Variants in NRXN1 observed in about 807,000 individuals in gnomAD.
NRXN1 encodes the protein neurexin 1, also known as neurexin-1.
A neutral mutation model predicts 150.9 loss-of-function variants in NRXN1; 39 were observed. The ratio of observed to expected loss-of-function variants is 0.26; its 90% confidence interval spans 0.20 to 0.34. The LOEUF (loss-of-function observed/expected upper bound fraction) is 0.34, where lower values mean the gene tolerates loss of function less well. NRXN1 is among the 10% of genes least tolerant of loss of function. The probability of loss-of-function intolerance (pLI) is 1.00; values close to 1 mark genes in which losing one functional copy is unlikely to be tolerated. For synonymous variants in NRXN1, 924 were observed against 757.0 expected, an observed-to-expected ratio of 1.22 and a Z score of -3.62; for missense variants, 1,815 against 1,949.9, an observed-to-expected ratio of 0.93 and a Z score of 1.30.
chr2:50,108,601 T>A (rs1701977614), intron 18 of NRXN1, among the ~76,000 whole-genome samples: 1 of 152,088 alleles, frequency 6.6e-6, no homozygotes, highest in African/African-American at 2.4e-5. Context: ...AGCAAAATAC[T>A]AAGATAAATT....
At chr2:50,878,153 G>A (rs892188214) in intron 5 of NRXN1, among the ~76,000 whole-genome samples, 4 of 152,018 alleles carry the variant, frequency 2.6e-5, no homozygotes, top group South Asian at 2.1e-4. Context: ...TGAAAACGAG[G>A]AGAATTATAA....
intron 18 of NRXN1, among the ~76,000 whole-genome samples, chr2:50,095,884 C>A (rs1262179289): frequency 6.6e-6 from 1 of 151,094 alleles, no homozygotes; most frequent in Non-Finnish European, 1.5e-5. Flanking sequence ...TGTGCTGCAC[C>A]CATTAACTCG....
intron 19 of NRXN1, among the ~76,000 whole-genome samples, chr2:50,084,607 G>A (rs1475167340): frequency 1.3e-5 from 2 of 152,292 alleles, no homozygotes; most frequent in East Asian, 3.9e-4. Context: ...ACCCCCCGCA[G>A]GCTGAGGGAA....
At chr2:50,939,028 G>A (rs1463931903) in intron 2 of NRXN1, among the ~76,000 whole-genome samples, 1 of 151,862 alleles carries the variant, frequency 6.6e-6, no homozygotes, top group East Asian at 1.9e-4. Context: ...TGGTTAACAT[G>A]GTGAAACCCT....
chr2:50,020,869 T>C (rs1687461168), intron 21 of NRXN1, among the ~76,000 whole-genome samples: 1 of 152,230 alleles, frequency 6.6e-6, no homozygotes, highest in Admixed American at 6.5e-5. Flanking sequence ...CACATTCCTT[T>C]CTCTTTCTAC....
chr2:50,922,502 A>G (rs1686189878), intron 4 of NRXN1, 156 bp downstream of exon 4: 1 of 788,584 alleles, frequency 1.3e-6, no homozygotes, highest in Non-Finnish European at 2.2e-6. Flanking sequence ...AAGAAATGGA[A>G]GAAAAACACA....
intron 2 of NRXN1, among the ~76,000 whole-genome samples, chr2:51,007,480 G>C (rs1401116651): frequency 2.0e-5 from 3 of 151,854 alleles, no homozygotes; most frequent in Non-Finnish European, 4.4e-5. Flanking sequence ...AGTGTTAGGG[G>C]TTTAGGAAAA....
chr2:50,332,616 ATTTG>A (rs1489625085), intron 17 of NRXN1, among the ~76,000 whole-genome samples: 1 of 152,212 alleles, frequency 6.6e-6, no homozygotes, highest in Non-Finnish European at 1.5e-5. Flanking sequence ...CTCTTTGTAA[ATTTG>A]TTTGTCATTC....
At chr2:50,002,535 T>A (rs1432975045) in intron 21 of NRXN1, among the ~76,000 whole-genome samples, 2 of 152,154 alleles carry the variant, frequency 1.3e-5, no homozygotes, top group East Asian at 3.9e-4. Flanking sequence ...TAAGGAATTT[T>A]AGCAAAACAA....
chr2:50,194,428 T>C (rs2061631019), intron 18 of NRXN1, among the ~76,000 whole-genome samples: 1 of 152,200 alleles, frequency 6.6e-6, no homozygotes, highest in Admixed American at 6.5e-5. Context: ...TCATAAATTC[T>C]AGCTATTTTT....
At chr2:50,599,457 T>C (rs889842) in intron 8 of NRXN1, among the ~76,000 whole-genome samples, 32,253 of 152,178 alleles carry the variant, frequency 0.21, 3,659 homozygotes, top group Admixed American at 0.27. Flanking sequence ...AAAATTTGTA[T>C]CTCTAACAAT....
chr2:50,225,092 G>T (rs1295423510), intron 18 of NRXN1, among the ~76,000 whole-genome samples: 1 of 151,938 alleles, frequency 6.6e-6, no homozygotes, highest in African/African-American at 2.4e-5. Context: ...TCAGGCCTCT[G>T]ACTTTTGTTT....
chr2:50,608,854 T>C (rs577250983), intron 8 of NRXN1, among the ~76,000 whole-genome samples: 2 of 152,240 alleles, frequency 1.3e-5, no homozygotes, highest in South Asian at 2.1e-4. Flanking sequence ...ATGATGACAA[T>C]GATAACATTC....
chr2:50,356,852 C>T (rs1054071243), intron 17 of NRXN1, among the ~76,000 whole-genome samples: 8 of 151,982 alleles, frequency 5.3e-5, no homozygotes, highest in Non-Finnish European at 8.8e-5. Flanking sequence ...CTGCCTCTTA[C>T]GTTATTTTTA....
At chr2:50,357,007 G>A (rs895428907) in intron 17 of NRXN1, among the ~76,000 whole-genome samples, 15 of 151,996 alleles carry the variant, frequency 9.9e-5, no homozygotes, top group African/African-American at 3.6e-4. Context: ...ACTGGGCCAG[G>A]TGCTCAGGCC....
rs1330246695 is a variant in NRXN1 at position 50,136,517 on chromosome 2, A to G, written c.3547-45023T>C. On this transcript the variant is annotated intron_variant, in intron 18 of 22. Transcript: ENST00000401669. ...ATCACAGCTTGTAATATCTCAAACAACACTGATTACTGATTGGTAATGCAC... is the reference window on the plus strand; with the variant it reads ...ATCACAGCTTGTAATATCTCAAACAGCACTGATTACTGATTGGTAATGCAC... Among the ~76,000 whole-genome samples the G allele has an allele frequency of 2.6e-5, 4 of 152,184 alleles. No individual in the cohort carries two copies. In the East Asian group the frequency reaches 7.7e-4, roughly 29 times the overall value.
chr2:50,468,836 T>G (rs931343558), intron 16 of NRXN1, among the ~76,000 whole-genome samples: 6 of 151,532 alleles, frequency 4.0e-5, no homozygotes, highest in African/African-American at 1.5e-4. Context: ...AATGAGATAG[T>G]ATAGGTAAAC....
At chr2:50,327,680 C>T (rs1252075221) in intron 17 of NRXN1, among the ~76,000 whole-genome samples, 2 of 150,628 alleles carry the variant, frequency 1.3e-5, no homozygotes, top group South Asian at 2.1e-4. Context: ...GACAGAGTCT[C>T]GCTCTTTCAC....
chr2:50,323,306 G>T (rs905963822), intron 17 of NRXN1, among the ~76,000 whole-genome samples: 2 of 152,096 alleles, frequency 1.3e-5, no homozygotes, highest in Admixed American at 1.3e-4. Context: ...AAAATAATTT[G>T]CATTTCTGTA....
Sources: allele counts gnomAD v4.1 joint callset (sites outside exome capture counted in the v4.1 genomes callset), GRCh38; gene constraint gnomAD v4.1.1; transcripts MANE v1.5; gene names NCBI Gene and HGNC (gene_info 2026-07-23, HGNC 2026-07-21).